PSORS1C1: variants seen among roughly 807,000 people sequenced by gnomAD.
The protein encoded by PSORS1C1 is psoriasis susceptibility 1 candidate 1, also known as psoriasis susceptibility 1 candidate gene 1 protein.
A neutral mutation model predicts 9.4 loss-of-function variants in PSORS1C1; 7 were observed. The observed-to-expected ratio is 0.75, with a 90% CI of 0.42 to 1.40. PSORS1C1 has a LOEUF of 1.40. PSORS1C1 is among the 40% of genes most tolerant of loss of function. PSORS1C1 has a pLI of 0.01. For missense variants in PSORS1C1, 146 were observed against 178.1 expected (o/e 0.82, Z 1.02); for synonymous variants, 63 against 69.4 (o/e 0.91, Z 0.46).
At position 31,115,163 on chromosome 6, in the gene PSORS1C1, G is replaced by A. The variant is rs539563595; in HGVS notation, c.-229+272G>A. The stretch of plus-strand genomic sequence containing the variant: ...GGAAGGTAGAAGAGAAACACAGCCC[G>A]CTTTTGAAGGAAAATGAGGAACACA... On this transcript the variant is annotated intron_variant, in intron 1 of 5. Transcript: ENST00000259881. The surrounding 1 kb of genome is among the most constrained non-coding windows in gnomAD (Gnocchi z 4.2). The A allele has an allele frequency of 9.9e-5, 33 of 334,764 alleles. No homozygotes were observed. The highest frequency in any genetic ancestry group is 9.2e-4 in the Admixed American group (22 of 23,952). The allele number at this position is 334,764 out of a possible 1,614,324, so 20.7% of individuals were successfully genotyped here.
intron 3 of PSORS1C1, among the ~76,000 whole-genome samples, chr6:31,134,345 C>G (rs1490842848): frequency 3.3e-5 from 5 of 151,576 alleles, no homozygotes; most frequent in Non-Finnish European, 7.4e-5. Context: ...CTCTGTCGCC[C>G]AGGCTGGAGT....
At chr6:31,120,382 C>T in intron 1 of PSORS1C1, 2 of 1,594,056 alleles carry the variant, frequency 1.3e-6, no homozygotes, top group Non-Finnish European at 1.7e-6. Flanking sequence ...CCCGTGCCCA[C>T]CCACACGCCC....
chr6:31,115,982 C>A lies in PSORS1C1; in HGVS notation c.-229+1091C>A. On this transcript the variant is annotated intron_variant, in intron 1 of 5. Transcript: ENST00000259881. The surrounding 1 kb of genome is among the most constrained non-coding windows in gnomAD (Gnocchi z 4.2). ...TCCCATATGGGATATAGTGTATGTG[C>A]TTGTTTGTGCCCAAGGCATGCACAC... The A allele has an allele frequency of 1.9e-6, 3 of 1,553,418 alleles. No individual in the cohort carries two copies. Among genetic ancestry groups the A allele is most frequent in the Non-Finnish European group, 2.7e-6 (3 of 1,128,496 alleles).
At chr6:31,127,817 A>AC (rs1772749170) in intron 2 of PSORS1C1, among the ~76,000 whole-genome samples, 1 of 143,070 alleles carries the variant, frequency 7.0e-6, no homozygotes, top group African/African-American at 2.7e-5. Flanking sequence ...TCTGTCTCAA[A>AC]AAAACACACA....
chr6:31,115,757 C>T lies in PSORS1C1; in HGVS notation c.-229+866C>T. On this transcript the variant is annotated intron_variant, in intron 1 of 5. Coordinates refer to ENST00000259881, the MANE Select transcript of PSORS1C1 (RefSeq NM_014068.3). This position sits in a 1 kb window ranked among gnomAD's most constrained non-coding sequence, Gnocchi z 4.2. ...GGAATTGTAAGGGGTGGTGATCTGG[C>T]TGAGGGGCACTGTGGTGGAATGGGA... The T allele has an allele frequency of 1.9e-6, 1 of 534,634 alleles. No homozygotes were observed. The highest frequency in any genetic ancestry group is 3.1e-5 in the Admixed American group (1 of 32,320). The allele number at this position is 534,634 out of a possible 1,614,324, so 33.1% of individuals were successfully genotyped here. A position where few individuals can be genotyped will look rare whatever the true frequency, so the allele number is the denominator to read the frequency against.
rs1231538570 is a variant in PSORS1C1 at position 31,139,473 on chromosome 6, G to A, written c.168-168G>A. The A allele has an allele frequency of 3.2e-6, 2 of 632,302 alleles. No homozygotes were observed. The highest frequency in any genetic ancestry group is 5.5e-6 in the Non-Finnish European group (2 of 365,088). The allele number at this position is 632,302 out of a possible 1,614,324, so 39.2% of individuals were successfully genotyped here. A position where few individuals can be genotyped will look rare whatever the true frequency, so the allele number is the denominator to read the frequency against. On this transcript the variant is annotated intron_variant, in intron 5 of 5. Coordinates refer to ENST00000259881, the MANE Select transcript of PSORS1C1 (RefSeq NM_014068.3). This position sits in a 1 kb window ranked among gnomAD's most constrained non-coding sequence, Gnocchi z 5.2. Reference sequence around the variant, plus strand: ...GAGGCAGGATGCCTGCGCTGAGGGAGGAGGTGCTTTTCAAACCTGGGATGC... The same window carrying A: ...GAGGCAGGATGCCTGCGCTGAGGGAAGAGGTGCTTTTCAAACCTGGGATGC...
chr6:31,138,329 GT>G, intron 3 of PSORS1C1, 100 bp from the exon 4 acceptor site: 1 of 1,608,122 alleles, frequency 6.2e-7, no homozygotes, highest in Non-Finnish European at 8.5e-7. Context: ...AAGGAGAAAG[GT>G]AAGAGGTGGT....
chr6:31,124,174 G>A (rs181239119), intron 1 of PSORS1C1, among the ~76,000 whole-genome samples: 1 of 152,192 alleles, frequency 6.6e-6, no homozygotes, highest in African/African-American at 2.4e-5. Context: ...GGAACCAAAC[G>A]GCTTTGAATG....
intron 1 of PSORS1C1, chr6:31,116,944 T>C (rs1399443202): frequency 6.2e-7 from 1 of 1,613,284 alleles, no homozygotes; most frequent in Middle Eastern, 1.6e-4. Context: ...GCAGGGAGAG[T>C]CGGGGATGTC....
chr6:31,123,585 G>T (rs1436451956), intron 1 of PSORS1C1, among the ~76,000 whole-genome samples: 1 of 152,228 alleles, frequency 6.6e-6, no homozygotes, highest in Admixed American at 6.5e-5. Context: ...GAAAGTGTGG[G>T]TGGCGTAGAC....
intron 1 of PSORS1C1, among the ~76,000 whole-genome samples, chr6:31,125,091 G>C (rs1191049861): frequency 6.6e-6 from 1 of 152,180 alleles, no homozygotes; most frequent in Non-Finnish European, 1.5e-5. Flanking sequence ...GTTTCACATA[G>C]GGGTCCTTGG....
chr6:31,115,632 C>T lies in PSORS1C1; in HGVS notation c.-229+741C>T. The T allele has an allele frequency of 4.2e-6, 1 of 239,532 alleles. No homozygotes were observed. Among genetic ancestry groups the T allele is most frequent in the Non-Finnish European group, 8.1e-6 (1 of 123,274 alleles). 14.8% of individuals were successfully genotyped at this position (239,532 alleles called of 1,614,324 possible). A position where few individuals can be genotyped will look rare whatever the true frequency, so the allele number is the denominator to read the frequency against. On this transcript the variant is annotated intron_variant, in intron 1 of 5. Coordinates refer to ENST00000259881, the MANE Select transcript of PSORS1C1 (RefSeq NM_014068.3). This position sits in a 1 kb window ranked among gnomAD's most constrained non-coding sequence, Gnocchi z 4.2. Reference sequence around the variant, plus strand: ...GGTAAAGGGGAAGAGGAAGGTATAACTTCTTCAGGCGTCAGAGGTGCTCTG... The same window carrying T: ...GGTAAAGGGGAAGAGGAAGGTATAATTTCTTCAGGCGTCAGAGGTGCTCTG...
At chr6:31,137,759 A>T (rs1006840016) in intron 3 of PSORS1C1, 1 of 408,556 alleles carries the variant, frequency 2.4e-6, no homozygotes, top group African/African-American at 2.1e-5. Context: ...CGATGTGAGG[A>T]CTAAGTATGG....
Position 31,125,813 on chromosome 6 carries a change from G to A in PSORS1C1, c.-91G>A, listed in dbSNP as rs1184575923. 1 of 152,252 alleles carries A rather than the reference G, an allele frequency of 6.6e-6. No homozygotes were observed. Among genetic ancestry groups the A allele is most frequent in the Non-Finnish European group, 1.5e-5 (1 of 68,062 alleles). 9.4% of individuals were successfully genotyped at this position (152,252 alleles called of 1,614,324 possible). A position where few individuals can be genotyped will look rare whatever the true frequency, so the allele number is the denominator to read the frequency against. Reference sequence around the variant, plus strand: ...CAGAAACCATCACCCCCGGACCGTGGGCTCCATGCCAGTGGGCAAAGCACA... The same window carrying A: ...CAGAAACCATCACCCCCGGACCGTGAGCTCCATGCCAGTGGGCAAAGCACA... On this transcript the variant is annotated 5_prime_UTR_variant, in exon 2 of 6. Transcript: ENST00000259881.
In PSORS1C1 at chr6:31,127,945, C is replaced by T. The variant is rs374179690; in HGVS notation, c.-64-1624C>T. On this transcript the variant is annotated intron_variant, in intron 2 of 5. Transcript: ENST00000259881. ...CTTGTAAGCATCTGTGTATCTCTCT[C>T]CTCCCTCACTGGAAGGCAGCTCCCT... is the stretch of plus-strand genomic sequence containing the variant. 6.2e-4 allele frequency among the ~76,000 whole-genome samples: 94 copies of T among 152,368 alleles called. No individual in the cohort carries two copies. In the East Asian group the frequency reaches 8.1e-3, roughly 13 times the overall value.
chr6:31,125,484 T>C (rs947013797), intron 1 of PSORS1C1, among the ~76,000 whole-genome samples, 192 bp from the exon 2 acceptor site: 2 of 152,180 alleles, frequency 1.3e-5, no homozygotes, highest in Non-Finnish European at 2.9e-5. Context: ...ACCTGGTTCC[T>C]CTGGTGACCA....
Position 31,138,470 on chromosome 6 carries a change from A to G in PSORS1C1, c.43+11A>G. 6.2e-7 allele frequency: 1 copy of G among 1,611,400 alleles called. No individual in the cohort carries two copies. The highest frequency in any genetic ancestry group is 1.1e-5 in the South Asian group (1 of 90,978). ...CTCAAAGAGCTCTCGGTAGGTTTGTAAATACTTAACTGATGGTAAAATGTC... is the reference window on the plus strand; with the variant it reads ...CTCAAAGAGCTCTCGGTAGGTTTGTGAATACTTAACTGATGGTAAAATGTC... On this transcript the variant is annotated intron_variant, in intron 4 of 5. Transcript: ENST00000259881.
In PSORS1C1 at chr6:31,121,175, G is replaced by GA. The variant is rs1478344741; in HGVS notation, c.-228-4501_-228-4500insA. Among the ~76,000 whole-genome samples the GA allele has an allele frequency of 1.1e-4, 17 of 151,988 alleles. No individual in the cohort carries two copies. In the East Asian group the frequency reaches 3.3e-3, roughly 29 times the overall value. On this transcript the variant is annotated intron_variant, in intron 1 of 5. Coordinates refer to ENST00000259881, the MANE Select transcript of PSORS1C1 (RefSeq NM_014068.3). ...TGGGGACGGCATGGTGGCGGGGGTG[G>GA]GGGGGTGCTGGGAGCCAGGGCTCAG...
intron 3 of PSORS1C1, among the ~76,000 whole-genome samples, chr6:31,132,257 C>T (rs1772949096): frequency 6.6e-6 from 1 of 152,124 alleles, no homozygotes; most frequent in African/African-American, 2.4e-5. Flanking sequence ...CACAGTGGCT[C>T]ATGCCTGTAA....
Sources: allele counts gnomAD v4.1 joint callset (sites outside exome capture counted in the v4.1 genomes callset), GRCh38; gene constraint gnomAD v4.1.1; non-coding constraint Gnocchi (gnomAD v3.1); transcripts MANE v1.5; gene names NCBI Gene and HGNC (gene_info 2026-07-23, HGNC 2026-07-21).